SMG5: variants seen among roughly 807,000 people sequenced by gnomAD.
The protein encoded by SMG5 is SMG5 nonsense mediated mRNA decay factor, also known as nonsense-mediated mRNA decay factor SMG5.
A neutral mutation model predicts 122.9 loss-of-function variants in SMG5; 53 were observed. The observed-to-expected ratio is 0.43, with a 90% CI of 0.35 to 0.54. SMG5 has a LOEUF of 0.54. Ranked by LOEUF, SMG5 falls within the 20% of genes least tolerant of loss-of-function variation. SMG5 has a pLI of 0.01. For missense variants in SMG5, 1,153 were observed against 1,285.6 expected, an observed-to-expected ratio of 0.90 and a Z score of 1.58; for synonymous variants, 477 against 490.2, an observed-to-expected ratio of 0.97 and a Z score of 0.35.
At chr1:156,279,084 A>C (rs746558350) in intron 1 of SMG5, 50 bp from the exon 2 acceptor site, 1 of 1,479,640 alleles carries the variant, frequency 6.8e-7, no homozygotes. Context: ...CATGGTCCAC[A>C]GAGGATGACG....
intron 12 of SMG5, among the ~76,000 whole-genome samples, chr1:156,265,034 A>AAACACAC (rs1179861639): frequency 2.1e-5 from 1 of 46,520 alleles, no homozygotes; most frequent in African/African-American, 1.0e-4. Flanking sequence ...TCAAAAAAAA[A>AAACACAC]ATACACACAC....
In SMG5 at chr1:156,253,458, T is replaced by C. The variant is rs200079642; in HGVS notation, c.2493A>G (p.Leu831=). 3.8e-5 allele frequency: 62 copies of C among 1,614,100 alleles called. No individual in the cohort carries two copies. The East Asian group carries it at 1.2e-3, about 32-fold the overall frequency. ...RNRLMRDMAQ[L]RLQLEVSQLE... ...GGTCCTGATTTCCTACCTGAAGTCG[T>C]AGCTGAGCCATGTCTCTCATGAGCC... is the stretch of plus-strand genomic sequence containing the variant. Residue 831 remains leucine, a synonymous_variant, in exon 17 of 22, where the codon CTA becomes CTG. Transcript: ENST00000361813.
In SMG5 at chr1:156,249,792, C is replaced by G. The variant is rs1661238518; in HGVS notation, c.*795G>C. The G allele has an allele frequency of 2.1e-6, 1 of 471,108 alleles. No homozygotes were observed. 29.2% of individuals were successfully genotyped at this position (471,108 alleles called of 1,614,324 possible). On this transcript the variant is annotated 3_prime_UTR_variant, in exon 22 of 22. Coordinates refer to ENST00000361813, the MANE Select transcript of SMG5 (RefSeq NM_015327.3). ...GGCATCCCATTCTGTCCCAGCACAGCAGCCAAGAGCACAAAGCACAGCACC... is the reference window on the plus strand; with the variant it reads ...GGCATCCCATTCTGTCCCAGCACAGGAGCCAAGAGCACAAAGCACAGCACC...
At chr1:156,270,667 C>T (rs1426338296) in intron 7 of SMG5, among the ~76,000 whole-genome samples, 3 of 152,114 alleles carry the variant, frequency 2.0e-5, no homozygotes, top group Admixed American at 1.3e-4. Context: ...TGATGAGGGA[C>T]TCAGGACAAG....
At chr1:156,269,261 C>T (rs1035904022) in intron 7 of SMG5, among the ~76,000 whole-genome samples, 4 of 152,092 alleles carry the variant, frequency 2.6e-5, no homozygotes, top group Non-Finnish European at 5.9e-5. Flanking sequence ...CGAGCCACTG[C>T]GCCCAGCCCC....
At chr1:156,275,704 G>A (rs1181761635) in intron 4 of SMG5, among the ~76,000 whole-genome samples, 1 of 150,798 alleles carries the variant, frequency 6.6e-6, no homozygotes, top group Non-Finnish European at 1.5e-5. Context: ...AAGTGGTTTG[G>A]GGCACTAACC....
In SMG5 at chr1:156,259,055, G is replaced by C. The variant is rs1365285986; in HGVS notation, c.2392C>G (p.Gln798Glu). The C allele has an allele frequency of 6.2e-7, 1 of 1,613,272 alleles. No individual in the cohort carries two copies. The highest frequency in any genetic ancestry group is 1.7e-5 in the Admixed American group (1 of 59,704). Reference protein sequence around the residue: ...PEVGIFVSIAQSEQESLLQQA... With the variant: ...PEVGIFVSIAESEQESLLQQA... Reference sequence around the variant, plus strand: ...TGCAGCAGGCTCTCCTGCTCAGACTGGGCAATGCTGACGAAGATGCCAACC... The same window carrying C: ...TGCAGCAGGCTCTCCTGCTCAGACTCGGCAATGCTGACGAAGATGCCAACC... Residue 798 changes from glutamine to glutamate, a missense_variant, in exon 16 of 22, where the codon CAG (glutamine) becomes GAG (glutamate). Around this residue, in one of 5 missense-constraint regions of SMG5, gnomAD observed 140 missense variants for 227.8 expected, o/e 0.61. Transcript: ENST00000361813.
chr1:156,282,769 C>T lies in SMG5; in HGVS notation c.-89G>A, dbSNP rs534269772. 64 of 1,368,890 alleles carry T rather than the reference C, an allele frequency of 4.7e-5. No individual in the cohort carries two copies. In the Middle Eastern group the frequency reaches 7.7e-4, roughly 16 times the overall value. 84.8% of individuals were successfully genotyped at this position (1,368,890 alleles called of 1,614,324 possible). ...CTGCCGTCTCCGGCCGTAGCCGCAG[C>T]CGCCGCCGCCACCGGCCCTGCTCGG... On this transcript the variant is annotated 5_prime_UTR_variant, in exon 1 of 22. Transcript: ENST00000361813.
Position 156,266,183 on chromosome 1 carries a change from C to G in SMG5, c.1453G>C (p.Asp485His), listed in dbSNP as rs751298480. The G allele has an allele frequency of 1.9e-6, 3 of 1,614,244 alleles. No individual in the cohort carries two copies. The highest frequency in any genetic ancestry group is 2.5e-6 in the Non-Finnish European group (3 of 1,180,046). The part of the protein sequence containing the change: ...SEGFESDSSH[D>H]SARASEGSDS... The stretch of plus-strand genomic sequence containing the variant: ...GAGCCCTCACTGGCCCGGGCTGAGT[C>G]ATGGCTTGAGTCCGATTCAAAGCCT... The change falls in exon 12 of 22, where the codon GAC (aspartate) becomes CAC (histidine). Residue 485 changes from aspartate to histidine, a missense_variant. Transcript: ENST00000361813.
At chr1:156,285,863 T>C, upstream of SMG5, 1 of 1,613,862 alleles carries the variant, frequency 6.2e-7, no homozygotes, top group Non-Finnish European at 8.5e-7. Context: ...TCTCTTCCCT[T>C]GCCTACTATA....
chr1:156,249,518 GC>G lies in SMG5; in HGVS notation c.*1068del. On this transcript the variant is annotated 3_prime_UTR_variant, in exon 22 of 22. Coordinates refer to ENST00000361813, the MANE Select transcript of SMG5 (RefSeq NM_015327.3). ...TCCCACACACAGCCCTGCTCTTGGT[GC>G]GCCATTCACTGCCCTGAGCTATTCA... 1 of 357,340 alleles carries G rather than the reference GC, an allele frequency of 2.8e-6. No individual in the cohort carries two copies. The highest frequency in any genetic ancestry group is 5.6e-6 in the Non-Finnish European group (1 of 178,664). The allele number at this position is 357,340 out of a possible 1,614,324, so 22.1% of individuals were successfully genotyped here. A position where few individuals can be genotyped will look rare whatever the true frequency, so the allele number is the denominator to read the frequency against.
Position 156,265,882 on chromosome 1 carries a change from G to T in SMG5, c.1754C>A (p.Pro585His). 1.2e-6 allele frequency: 2 copies of T among 1,614,194 alleles called. No individual in the cohort carries two copies. The highest frequency in any genetic ancestry group is 1.7e-6 in the Non-Finnish European group (2 of 1,180,028). Residue 585 changes from proline to histidine, a missense_variant, in exon 12 of 22, where the codon CCC (proline) becomes CAC (histidine). Pro to His is a moderately conservative substitution (Grantham distance 77). Transcript: ENST00000361813. Reference protein sequence around the residue: ...FQTKRCFRLAPTFSNLLLQPT... With the variant: ...FQTKRCFRLAHTFSNLLLQPT... ...CTGGAGGAGCAGGTTGCTAAAGGTG[G>T]GGGCCAGTCGGAAGCAGCGCTTAGT...
intron 4 of SMG5, among the ~76,000 whole-genome samples, chr1:156,275,506 G>C (rs1662642443): frequency 6.6e-6 from 1 of 152,210 alleles, no homozygotes; most frequent in Non-Finnish European, 1.5e-5. Flanking sequence ...TACAGTTGAG[G>C]AAATTAGTCA....
chr1:156,260,456 C>T lies in SMG5; in HGVS notation c.2278G>A (p.Glu760Lys). 6.3e-7 allele frequency: 1 copy of T among 1,598,824 alleles called. No homozygotes were observed. Among genetic ancestry groups the T allele is most frequent in the Non-Finnish European group, 8.5e-7 (1 of 1,174,718 alleles). Residue 760 changes from glutamate to lysine, a missense_variant, in exon 15 of 22, where the codon GAG becomes AAG. By Grantham distance (56) the Glu-to-Lys change is moderately conservative (BLOSUM62 1). Coordinates refer to ENST00000361813, the MANE Select transcript of SMG5 (RefSeq NM_015327.3). ...ATAAGAAATGCTATCCTTACCTCCT[C>T]TAAGGTGCTGAGCAGGGGCCGATCC... ...DTDRPLLSTL[E>K]ESVVRICCIR...
chr1:156,281,806 C>A (rs1662961942), intron 1 of SMG5, among the ~76,000 whole-genome samples: 1 of 152,222 alleles, frequency 6.6e-6, no homozygotes, highest in South Asian at 2.1e-4. Flanking sequence ...ACAAATTCTC[C>A]ACCTTTGATG....
rs747624101 is a variant in SMG5, at chr1:156,259,043, C to T, written c.2404G>A (p.Glu802Lys). The change falls in exon 16 of 22, where the codon GAG becomes AAG. Residue 802 changes from glutamate (E) to lysine (K), a missense_variant. By Grantham distance (56) the Glu-to-Lys change is moderately conservative. This residue lies in a region of SMG5 where 140 missense variants were observed against 227.8 expected (regional missense o/e 0.61). Transcript: ENST00000361813. ...IFVSIAQSEQ[E>K]SLLQQAQAQF... Reference sequence around the variant, plus strand: ...GCCTGGGCCTGCTGCAGCAGGCTCTCCTGCTCAGACTGGGCAATGCTGACG... The same window carrying T: ...GCCTGGGCCTGCTGCAGCAGGCTCTTCTGCTCAGACTGGGCAATGCTGACG... 11 of 1,613,690 alleles carry T rather than the reference C, an allele frequency of 6.8e-6. No individual in the cohort carries two copies. The highest frequency in any genetic ancestry group is 8.5e-6 in the Non-Finnish European group (10 of 1,179,884).
upstream of SMG5, chr1:156,286,019 G>A (rs779949208): frequency 5.7e-6 from 9 of 1,573,172 alleles, no homozygotes; most frequent in Admixed American, 1.6e-4. Flanking sequence ...ATCGGGAAGT[G>A]GACTTGAGGA....
chr1:156,258,616 T>C (rs1472913877), intron 16 of SMG5, among the ~76,000 whole-genome samples: 1 of 152,162 alleles, frequency 6.6e-6, no homozygotes, highest in Non-Finnish European at 1.5e-5. Context: ...GCCTACATGG[T>C]GAAACCCTGT....
chr1:156,253,276 G>C (rs1661434322), intron 17 of SMG5, among the ~76,000 whole-genome samples, 173 bp downstream of exon 17: 1 of 152,280 alleles, frequency 6.6e-6, no homozygotes, highest in South Asian at 2.1e-4. Context: ...AAGGCAGAAA[G>C]GAGGCAAATG....
Sources: allele counts gnomAD v4.1 joint callset (sites outside exome capture counted in the v4.1 genomes callset), GRCh38; gene constraint gnomAD v4.1.1; regional missense constraint gnomAD v4.1.1; transcripts MANE v1.5; gene names NCBI Gene and HGNC (gene_info 2026-07-23, HGNC 2026-07-21).